Variants in RHOQ observed in about 807,000 individuals in gnomAD.
RHOQ encodes rho-related GTP-binding protein RhoQ.
A neutral mutation model predicts 25.8 loss-of-function variants in RHOQ; 7 were observed. The observed-to-expected ratio is 0.27, with a 90% CI of 0.15 to 0.51. The LOEUF is 0.51. RHOQ is among the 20% of genes least tolerant of loss of function. The pLI, the probability that RHOQ is intolerant of heterozygous loss-of-function variation, is 0.97. For synonymous variants in RHOQ, 97 were observed against 98.6 expected (o/e 0.98, Z 0.10); for missense variants, 165 against 260.6 (o/e 0.63, Z 2.53).
rs1668412150 is a variant in RHOQ at position 46,556,412 on chromosome 2, C to T, written c.201+12600C>T. 6.6e-6 allele frequency among the ~76,000 whole-genome samples: 1 copy of T among 152,096 alleles called. No homozygotes were observed. Among genetic ancestry groups the T allele is most frequent in the Non-Finnish European group, 1.5e-5 (1 of 68,042 alleles). Reference sequence around the variant, plus strand: ...TGTGCACTTGTGGTGCTGCCTTCGCCCCTGGCTCAGGTAGAGGCGAGGGCT... The same window carrying T: ...TGTGCACTTGTGGTGCTGCCTTCGCTCCTGGCTCAGGTAGAGGCGAGGGCT... On this transcript the variant is annotated intron_variant, in intron 2 of 4. Transcript: ENST00000238738. This position sits in a 1 kb window ranked among gnomAD's most constrained non-coding sequence, Gnocchi z 4.9.
intron 2 of RHOQ, among the ~76,000 whole-genome samples, chr2:46,544,361 AAAC>A (rs914592535): frequency 9.3e-4 from 141 of 152,282 alleles, no homozygotes; most frequent in African/African-American, 3.2e-3. Flanking sequence ...AAAAGAAAAG[AAAC>A]AACAACCATG....
intron 1 of RHOQ, 159 bp downstream of exon 1, chr2:46,543,347 C>A: frequency 2.8e-6 from 2 of 713,686 alleles, no homozygotes; most frequent in Non-Finnish European, 4.7e-6. Context: ...AAGCTTCGCT[C>A]CTGGCAACCC....
chr2:46,580,496 G>A (rs1669317577), intron 4 of RHOQ: 1 of 152,964 alleles, frequency 6.5e-6, no homozygotes, highest in Non-Finnish European at 1.5e-5. Context: ...AGCCTCCCCG[G>A]ACCCCCACTA....
At chr2:46,543,526 C>T in intron 1 of RHOQ, 1 of 605,544 alleles carries the variant, frequency 1.7e-6, no homozygotes, top group Non-Finnish European at 3.0e-6. Flanking sequence ...CGAGACGTGG[C>T]TACGGGACTT....
intron 1 of RHOQ, 137 bp downstream of exon 1, chr2:46,543,325 GC>G: frequency 3.2e-6 from 3 of 927,662 alleles, no homozygotes; most frequent in Non-Finnish European, 5.0e-6. Context: ...CAGGCGGCCG[GC>G]CCCACCCCCG....
At chr2:46,563,697 T>C (rs1442263765) in intron 2 of RHOQ, among the ~76,000 whole-genome samples, 1 of 152,054 alleles carries the variant, frequency 6.6e-6, no homozygotes, top group African/African-American at 2.4e-5. Flanking sequence ...ATTTTCTGAA[T>C]TTTCAAAGAA....
At position 46,543,194 on chromosome 2, in the gene RHOQ, C is replaced by T; in HGVS notation, c.142+6C>T. 1 of 1,611,784 alleles carries T rather than the reference C, an allele frequency of 6.2e-7. No homozygotes were observed. On this transcript the variant is annotated splice_donor_region_variant and intron_variant, in intron 1 of 4. Coordinates refer to ENST00000238738, the MANE Select transcript of RHOQ (RefSeq NM_012249.4). ...CGTCTTCGACCACTACGCAGGTAAG[C>T]CTCGGAACTGCTGACTAAGGGGCCG...
rs1277627087 is a variant in RHOQ, at chr2:46,555,711, C to G, written c.201+11899C>G. Among the ~76,000 whole-genome samples the G allele has an allele frequency of 3.9e-5, 6 of 152,220 alleles. No homozygotes were observed. The highest frequency in any genetic ancestry group is 9.6e-5 in the African/African-American group (4 of 41,456). On this transcript the variant is annotated intron_variant, in intron 2 of 4. Coordinates refer to ENST00000238738, the MANE Select transcript of RHOQ (RefSeq NM_012249.4). The surrounding 1 kb of genome is among the most constrained non-coding windows in gnomAD (Gnocchi z 4.3). The stretch of plus-strand genomic sequence containing the variant: ...GTACTGTTCTCCAGCAAGTCTAGAC[C>G]TGTAGGAGTCCTTCACTGGGCTTTA...
chr2:46,560,402 ACTGAAGTC>A, intron 2 of RHOQ: 1 of 337,294 alleles, frequency 3.0e-6, no homozygotes, highest in Non-Finnish European at 6.0e-6. Context: ...CTGGGACTTA[ACTGAAGTC>A]TTCTCTTTTT....
intron 1 of RHOQ, 59 bp from the exon 2 acceptor site, chr2:46,543,695 T>G: frequency 6.6e-7 from 1 of 1,525,142 alleles, no homozygotes; most frequent in Non-Finnish European, 9.0e-7. Flanking sequence ...GGAGCGAAAT[T>G]GCCCCAGAGC....
At chr2:46,580,846 T>A in intron 4 of RHOQ, 82 bp from the exon 5 acceptor site, 1 of 999,886 alleles carries the variant, frequency 1.0e-6, no homozygotes. Flanking sequence ...ATTTTATAAT[T>A]TTCTTTATAA....
intron 2 of RHOQ, among the ~76,000 whole-genome samples, chr2:46,565,476 C>T (rs998442541): frequency 1.3e-5 from 2 of 152,236 alleles, no homozygotes; most frequent in Non-Finnish European, 2.9e-5. Context: ...CTGAGGCTCT[C>T]CTATTAAGAG....
At chr2:46,543,850 T>G (rs745525053) in intron 2 of RHOQ, 38 bp downstream of exon 2, 2 of 1,585,878 alleles carry the variant, frequency 1.3e-6, no homozygotes, top group Admixed American at 1.7e-5. Flanking sequence ...CCCCCTCCTG[T>G]TCCCCAGTTC....
Position 46,580,933 on chromosome 2 carries a change from A to G in RHOQ, c.468A>G (p.Gly156=). ...EQGQKLAKEI[G]ACCYVECSAL... ...ATTTTTTTTCTCCCTCCCAGATAGG[A>G]GCATGCTGCTATGTGGAATGTTCAG... The change falls in exon 5 of 5, where the codon GGA becomes GGG. Residue 156 remains glycine, a synonymous_variant. Coordinates refer to ENST00000238738, the MANE Select transcript of RHOQ (RefSeq NM_012249.4). 1.3e-6 allele frequency: 2 copies of G among 1,503,884 alleles called. No individual in the cohort carries two copies. Among genetic ancestry groups the G allele is most frequent in the Admixed American group, 2.4e-5 (1 of 41,246 alleles). 93.2% of individuals were successfully genotyped at this position (1,503,884 alleles called of 1,614,324 possible). A position where few individuals can be genotyped will look rare whatever the true frequency, so the allele number is the denominator to read the frequency against.
chr2:46,572,121 T>TTTG (rs1553422167), intron 2 of RHOQ, among the ~76,000 whole-genome samples: 1 of 138,374 alleles, frequency 7.2e-6, no homozygotes, highest in East Asian at 2.0e-4. Flanking sequence ...TTTTTTTTTT[T>TTTG]TTTTTTTTTT....
chr2:46,548,742 C>G lies in RHOQ; in HGVS notation c.201+4930C>G, dbSNP rs888645977. 2.0e-5 allele frequency among the ~76,000 whole-genome samples: 3 copies of G among 152,024 alleles called. No homozygotes were observed. The highest frequency in any genetic ancestry group is 1.3e-4 in the Admixed American group (2 of 15,270). ...ATGCTGGCACTGAGCATCCTGGTTT[C>G]CCTTAGTAACCTACTGTAGATTTGT... On this transcript the variant is annotated intron_variant, in intron 2 of 4. Transcript: ENST00000238738. The surrounding 1 kb of genome is among the most constrained non-coding windows in gnomAD (Gnocchi z 5.2).
chr2:46,566,969 C>G lies in RHOQ; in HGVS notation c.202-9118C>G, dbSNP rs936289010. On this transcript the variant is annotated intron_variant, in intron 2 of 4. Transcript: ENST00000238738. The surrounding 1 kb of genome is among the most constrained non-coding windows in gnomAD (Gnocchi z 4.2). ...ATAGTCATTTTTGTCCCAATTTGTT[C>G]AATGCCTGATTTGATACCTCAATTT... 1.2e-4 allele frequency among the ~76,000 whole-genome samples: 19 copies of G among 152,166 alleles called. No individual in the cohort carries two copies. Among genetic ancestry groups the G allele is most frequent in the Non-Finnish European group, 4.4e-5 (3 of 68,044 alleles).
At chr2:46,546,957 G>A (rs1212054061) in intron 2 of RHOQ, among the ~76,000 whole-genome samples, 1 of 152,114 alleles carries the variant, frequency 6.6e-6, no homozygotes, top group Admixed American at 6.5e-5. Context: ...CCTATTGTGG[G>A]ATCCATGGTT....
At position 46,567,582 on chromosome 2, in the gene RHOQ, G is replaced by A. The variant is rs957331434; in HGVS notation, c.202-8505G>A. On this transcript the variant is annotated intron_variant, in intron 2 of 4. Coordinates refer to ENST00000238738, the MANE Select transcript of RHOQ (RefSeq NM_012249.4). ...CTCATTTTTTATTTTTGTAGAGATCGTGTTTTGCCATGTTGCCCACACTGG... is the reference window on the plus strand; with the variant it reads ...CTCATTTTTTATTTTTGTAGAGATCATGTTTTGCCATGTTGCCCACACTGG... 1.5e-4 allele frequency among the ~76,000 whole-genome samples: 23 copies of A among 151,806 alleles called. 1 individual carries two copies. Among genetic ancestry groups the A allele is most frequent in the African/African-American group, 4.4e-4 (18 of 41,332 alleles).
Sources: gnomAD v4.1 joint callset for allele counts (sites outside exome capture counted in the v4.1 genomes callset) on GRCh38, gnomAD v4.1.1 for gene constraint, Gnocchi (gnomAD v3.1) non-coding constraint, MANE v1.5 for transcripts, NCBI Gene and HGNC (gene_info 2026-07-23, HGNC 2026-07-21) for gene names.